Variants in KNTC1 observed in about 807,000 individuals in gnomAD.
KNTC1 encodes kinetochore associated 1.
KNTC1 carries 253 observed loss-of-function variants against 314.4 expected under a neutral mutation model. The observed-to-expected ratio is 0.80, with a 90% CI of 0.73 to 0.89. The LOEUF (loss-of-function observed/expected upper bound fraction) is 0.89, where lower values mean the gene tolerates loss of function less well. Among genes scored for constraint, KNTC1 ranks in the 40% least tolerant of loss-of-function variants. The probability of loss-of-function intolerance (pLI) is 0.00; values close to 1 mark genes in which losing one functional copy is unlikely to be tolerated. For synonymous variants in KNTC1, 901 were observed against 901.4 expected, an observed-to-expected ratio of 1.00 and a Z score of 0.01; for missense variants, 2,475 against 2,572.9, an observed-to-expected ratio of 0.96 and a Z score of 0.82.
At chr12:122,539,941 G>A (rs1283478414) in intron 5 of KNTC1, among the ~76,000 whole-genome samples, 187 bp downstream of exon 5, 5 of 151,588 alleles carry the variant, frequency 3.3e-5, no homozygotes, top group African/African-American at 7.3e-5. Flanking sequence ...CACCACGCCC[G>A]GCTAATTTTT....
chr12:122,584,814 G>T, intron 35 of KNTC1, 79 bp from the exon 36 acceptor site: 1 of 742,880 alleles, frequency 1.3e-6, no homozygotes, highest in Non-Finnish European at 2.2e-6. Context: ...AATTTTAAAT[G>T]GTAATTATTA....
At chr12:122,562,985 G>A (rs1235928530) in intron 20 of KNTC1, among the ~76,000 whole-genome samples, 2 of 151,778 alleles carry the variant, frequency 1.3e-5, no homozygotes, top group Non-Finnish European at 2.9e-5. Flanking sequence ...CCCCAGCCTG[G>A]GCGACAGAGC....
At chr12:122,600,962 A>G (rs756854322) in intron 44 of KNTC1, among the ~76,000 whole-genome samples, 1 of 151,836 alleles carries the variant, frequency 6.6e-6, no homozygotes, top group Non-Finnish European at 1.5e-5. Flanking sequence ...ATCCTTCTTT[A>G]TTAAAACAAG....
At chr12:122,568,634 C>T (rs894522528) in intron 21 of KNTC1, among the ~76,000 whole-genome samples, 3 of 152,122 alleles carry the variant, frequency 2.0e-5, no homozygotes, top group African/African-American at 7.2e-5. Context: ...GTTGGGAGTT[C>T]GAGACCAGCC....
intron 2 of KNTC1, among the ~76,000 whole-genome samples, chr12:122,532,269 C>G (rs1292467236): frequency 7.2e-6 from 1 of 138,354 alleles, no homozygotes; most frequent in Non-Finnish European, 1.5e-5. Flanking sequence ...AGTGCAGTGG[C>G]GTGATCTTGG....
At chr12:122,557,859 C>G (rs539419103) in intron 18 of KNTC1, among the ~76,000 whole-genome samples, 170 bp downstream of exon 18, 2 of 152,154 alleles carry the variant, frequency 1.3e-5, no homozygotes, top group South Asian at 2.1e-4. Context: ...TACAATTCAC[C>G]TATTTAAAGT....
intron 26 of KNTC1, 28 bp downstream of exon 26, chr12:122,573,313 T>C: frequency 5.0e-6 from 8 of 1,601,722 alleles, no homozygotes; most frequent in Non-Finnish European, 6.8e-6. Context: ...TCTAGTCTTA[T>C]TTCTTGGATC....
intron 18 of KNTC1, among the ~76,000 whole-genome samples, chr12:122,559,604 G>A (rs1244500871): frequency 1.3e-5 from 2 of 151,976 alleles, no homozygotes; most frequent in African/African-American, 4.8e-5. Flanking sequence ...AGGGAGTCTC[G>A]CACTGTCACC....
At chr12:122,582,622 GA>G (rs1175041843) in intron 33 of KNTC1, 82 bp from the exon 34 acceptor site, 294 of 1,150,380 alleles carry the variant, frequency 2.6e-4, no homozygotes, top group Non-Finnish European at 2.8e-4. Context: ...TTGAAATTAT[GA>G]AAAAAAAAAC....
At chr12:122,545,074 T>A (rs1962656002) in intron 8 of KNTC1, among the ~76,000 whole-genome samples, 1 of 152,214 alleles carries the variant, frequency 6.6e-6, no homozygotes, top group Non-Finnish European at 1.5e-5. Flanking sequence ...GTCTTATATC[T>A]CATGTTACAT....
At chr12:122,548,716 C>A (rs137938708) in intron 12 of KNTC1, among the ~76,000 whole-genome samples, 1,609 of 152,108 alleles carry the variant, frequency 0.011, 28 homozygotes, top group African/African-American at 0.037. Context: ...ACCTGTAATC[C>A]TAGCGCTTTG....
chr12:122,589,776 A>ATTTTTTTTT (rs375169727), intron 40 of KNTC1, among the ~76,000 whole-genome samples: 9 of 94,590 alleles, frequency 9.5e-5, no homozygotes, highest in Admixed American at 1.3e-4. Context: ...GGGCCCCCCA[A>ATTTTTTTTT]TTTTTTTTTT....
chr12:122,552,838 G>T (rs192075470), intron 16 of KNTC1, among the ~76,000 whole-genome samples: 89 of 152,276 alleles, frequency 5.8e-4, no homozygotes, highest in African/African-American at 2.0e-3. Flanking sequence ...TACAGATATA[G>T]GTGAGAGAGA....
rs762850843 is a variant in KNTC1 at position 122,605,371 on chromosome 12, ATGT to A, written c.5458_5460del (p.Leu1820del). 5.0e-6 allele frequency: 8 copies of A among 1,605,470 alleles called. No homozygotes were observed. The Admixed American group carries it at 6.8e-5, about 14-fold the overall frequency. ...AATTAATTTGGAAAAAGTCTGGGAC[ATGT>A]TGTTGGAAAAATGGCTATGCCCTTC... On this transcript the variant is annotated inframe_deletion, in exon 51 of 64. Coordinates refer to ENST00000333479, the MANE Select transcript of KNTC1 (RefSeq NM_014708.6).
chr12:122,548,658 T>A (rs1565943369), intron 12 of KNTC1, among the ~76,000 whole-genome samples: 1 of 152,180 alleles, frequency 6.6e-6, no homozygotes, highest in East Asian at 1.9e-4. Flanking sequence ...CATCATTTCA[T>A]ATGTAACATT....
Position 122,568,250 on chromosome 12 carries a change from T to C in KNTC1, c.1605-11T>C. On this transcript the variant is annotated splice_polypyrimidine_tract_variant and intron_variant, in intron 20 of 63. Transcript: ENST00000333479. ...TTAAAACTGACTTTTTTCCCTTCTT[T>C]GTCTATTCAGTGGCAGTTCTTGGAT... is the stretch of plus-strand genomic sequence containing the variant. 1 of 1,296,130 alleles carries C rather than the reference T, an allele frequency of 7.7e-7. No homozygotes were observed. The highest frequency in any genetic ancestry group is 1.1e-6 in the Non-Finnish European group (1 of 908,506). The allele number at this position is 1,296,130 out of a possible 1,614,324, so 80.3% of individuals were successfully genotyped here.
At chr12:122,538,649 A>G (rs1444685137) in intron 4 of KNTC1, among the ~76,000 whole-genome samples, 195 bp downstream of exon 4, 1 of 152,310 alleles carries the variant, frequency 6.6e-6, no homozygotes, top group East Asian at 1.9e-4. Flanking sequence ...AATTAACACC[A>G]GGTCAAACAG....
intron 7 of KNTC1, 110 bp from the exon 8 acceptor site, chr12:122,544,049 C>A (rs1409673973): frequency 1.1e-5 from 5 of 470,750 alleles, no homozygotes; most frequent in Admixed American, 4.3e-5. Flanking sequence ...AACTCTGTCT[C>A]CAAAAAAAAA....
At chr12:122,561,879 GT>G (rs1963998720) in intron 18 of KNTC1, 41 bp from the exon 19 acceptor site, 1 of 1,468,702 alleles carries the variant, frequency 6.8e-7, no homozygotes. Flanking sequence ...GAAATAAACA[GT>G]AGATATTCTT....
Sources: gnomAD v4.1 joint callset for allele counts (sites outside exome capture counted in the v4.1 genomes callset) on GRCh38, gnomAD v4.1.1 for gene constraint, MANE v1.5 for transcripts, NCBI Gene and HGNC (gene_info 2026-07-23, HGNC 2026-07-21) for gene names.